LRTM1: variants seen among roughly 807,000 people sequenced by gnomAD.
LRTM1 encodes the protein leucine-rich repeat and transmembrane domain-containing protein 1.
A neutral mutation model predicts 32.4 loss-of-function variants in LRTM1; 38 were observed. The ratio of observed to expected loss-of-function variants is 1.17; its 90% confidence interval spans 0.91 to 1.54. The LOEUF is 1.54. Ranked by LOEUF, LRTM1 falls within the 40% of genes most tolerant of loss-of-function variation. The pLI is 0.00. For missense variants in LRTM1, 466 were observed against 415.4 expected, an observed-to-expected ratio of 1.12 and a Z score of -1.06; for synonymous variants, 186 against 169.9, an observed-to-expected ratio of 1.09 and a Z score of -0.74.
intron 2 of LRTM1, 114 bp from the exon 3 acceptor site, chr3:54,919,006 T>C: frequency 4.6e-6 from 3 of 657,922 alleles, no homozygotes; most frequent in Middle Eastern, 4.8e-4. Context: ...TTTTTTTTTT[T>C]TAAATCCTGG....
intron 2 of LRTM1, among the ~76,000 whole-genome samples, chr3:54,920,840 C>T (rs868655297): frequency 6.6e-6 from 1 of 152,272 alleles, no homozygotes; most frequent in Non-Finnish European, 1.5e-5. Context: ...CCAATCACCC[C>T]AGACTTAAGA....
upstream of LRTM1, among the ~76,000 whole-genome samples, chr3:54,929,439 G>T (rs886685637): frequency 2.6e-5 from 4 of 152,190 alleles, no homozygotes; most frequent in South Asian, 2.1e-4. Flanking sequence ...CACTCTGCAG[G>T]TACAAAGGGA....
chr3:54,941,884 G>A (rs1039464376), intron 1 of LRTM1, among the ~76,000 whole-genome samples: 12 of 152,102 alleles, frequency 7.9e-5, no homozygotes, highest in South Asian at 2.1e-4. Context: ...CACCTGTCTC[G>A]GCTGTAGTAA....
At position 54,924,920 on chromosome 3, in the gene LRTM1, C is replaced by A. The variant is rs867957369; in HGVS notation, c.303G>T (p.Gln101His). Residue 101 changes from glutamine to histidine, a missense_variant, in exon 2 of 3, where the codon CAG becomes CAT. Transcript: ENST00000273286. Reference sequence around the variant, plus strand: ...GTGAATTCTGGGTTAGATTTAAAACCTGCAAGTGCTGAAGCCCATGGAAAG... The same window carrying A: ...GTGAATTCTGGGTTAGATTTAAAACATGCAAGTGCTGAAGCCCATGGAAAG... The part of the protein sequence containing the change: ...PGAFHGLQHL[Q>H]VLNLTQNSLL... 6.2e-7 allele frequency: 1 copy of A among 1,613,106 alleles called. No individual in the cohort carries two copies.
intron 1 of LRTM1, among the ~76,000 whole-genome samples, chr3:54,965,187 A>C (rs986329446): frequency 6.6e-6 from 1 of 152,172 alleles, no homozygotes; most frequent in East Asian, 1.9e-4. Context: ...GTGCTGCAAG[A>C]AAACTTTATT....
chr3:54,949,624 G>A (rs765612878), intron 1 of LRTM1, among the ~76,000 whole-genome samples: 14 of 152,276 alleles, frequency 9.2e-5, no homozygotes, highest in South Asian at 2.1e-4. Flanking sequence ...ATTCTCAAGC[G>A]CATTGGTCAC....
intron 1 of LRTM1, among the ~76,000 whole-genome samples, chr3:54,946,818 A>T (rs1449409670): frequency 3.9e-5 from 3 of 76,306 alleles, no homozygotes; most frequent in African/African-American, 1.3e-4. Flanking sequence ...GTGGTTTATT[A>T]AAAAAAAAAA....
intron 1 of LRTM1, among the ~76,000 whole-genome samples, chr3:54,956,613 T>C (rs1449654555): frequency 6.6e-6 from 1 of 152,150 alleles, no homozygotes; most frequent in Non-Finnish European, 1.5e-5. Context: ...TTCCTGCTCA[T>C]CCTACAGACC....
At chr3:54,954,519 G>A (rs566441461) in intron 1 of LRTM1, among the ~76,000 whole-genome samples, 13 of 152,346 alleles carry the variant, frequency 8.5e-5, no homozygotes, top group Middle Eastern at 3.4e-3. Flanking sequence ...ATATCTTTCT[G>A]TCGGGGTCTA....
intron 1 of LRTM1, among the ~76,000 whole-genome samples, chr3:54,945,348 G>C (rs1221849081): frequency 6.6e-6 from 1 of 152,196 alleles, no homozygotes; most frequent in Non-Finnish European, 1.5e-5. Context: ...TTACTCTGTA[G>C]TATCTTGGCC....
chr3:54,919,343 A>G (rs769769451), intron 2 of LRTM1, among the ~76,000 whole-genome samples: 1 of 152,230 alleles, frequency 6.6e-6, no homozygotes, highest in Non-Finnish European at 1.5e-5. Flanking sequence ...TTGTGATGTT[A>G]TGTGTTTATT....
chr3:54,930,983 C>G (rs1247367903), upstream of LRTM1, among the ~76,000 whole-genome samples: 1 of 151,634 alleles, frequency 6.6e-6, no homozygotes, highest in African/African-American at 2.4e-5. Context: ...GTAATCTCAG[C>G]TACTCAGGAG....
At chr3:54,950,866 A>G (rs1317714729) in intron 1 of LRTM1, among the ~76,000 whole-genome samples, 1 of 152,200 alleles carries the variant, frequency 6.6e-6, no homozygotes, top group Non-Finnish European at 1.5e-5. Context: ...TTTCAAGGCA[A>G]GAGCAGGAGA....
At chr3:54,922,522 G>T (rs1275956175) in intron 2 of LRTM1, among the ~76,000 whole-genome samples, 1 of 151,914 alleles carries the variant, frequency 6.6e-6, no homozygotes, top group African/African-American at 2.4e-5. Context: ...CTTGAATGTC[G>T]ACTGGATATT....
At chr3:54,960,384 A>G (rs576369606) in intron 1 of LRTM1, among the ~76,000 whole-genome samples, 2 of 152,314 alleles carry the variant, frequency 1.3e-5, no homozygotes, top group South Asian at 4.1e-4. Context: ...TGAAATATGC[A>G]ATCATTTAGG....
At chr3:54,934,200 A>G (rs1701273616) in intron 1 of LRTM1, among the ~76,000 whole-genome samples, 1 of 152,240 alleles carries the variant, frequency 6.6e-6, no homozygotes, top group African/African-American at 2.4e-5. Flanking sequence ...GACAATATTA[A>G]GGGAACCTAT....
chr3:54,924,121 C>T (rs1700940756), intron 2 of LRTM1, among the ~76,000 whole-genome samples: 2 of 152,178 alleles, frequency 1.3e-5, no homozygotes, highest in Non-Finnish European at 2.9e-5. Flanking sequence ...GAGAGAGGCC[C>T]TGTTGCACCC....
intron 1 of LRTM1, among the ~76,000 whole-genome samples, chr3:54,942,255 G>A (rs1023643150): frequency 6.6e-6 from 1 of 152,118 alleles, no homozygotes; most frequent in Admixed American, 6.5e-5. Flanking sequence ...GTCCCAGCAT[G>A]GCTAAGACTC....
Position 54,944,289 on chromosome 3 carries a change from T to C in LRTM1, c.-221-19074A>G, listed in dbSNP as rs190279795. 2.6e-4 allele frequency among the ~76,000 whole-genome samples: 39 copies of C among 152,320 alleles called. No homozygotes were observed. In the East Asian group the frequency reaches 7.3e-3, roughly 29 times the overall value. On this transcript the variant is annotated intron_variant, in intron 1 of 2. Coordinates refer to the LRTM1 transcript ENST00000493075. ...TAGGAAATTTTCTTAGATTATTTTT[T>C]AGGTCTTTTTGTTTTATTATCTGCC... is the stretch of plus-strand genomic sequence containing the variant.
Sources: gnomAD v4.1 joint callset for allele counts (sites outside exome capture counted in the v4.1 genomes callset) on GRCh38, gnomAD v4.1.1 for gene constraint, MANE v1.5 for transcripts, NCBI Gene and HGNC (gene_info 2026-07-23, HGNC 2026-07-21) for gene names.